DCDC1: variants seen among roughly 807,000 people sequenced by gnomAD.
The protein encoded by DCDC1 is doublecortin domain containing 1, also known as doublecortin domain-containing protein 1.
DCDC1 carries 200 observed loss-of-function variants against 178.3 expected under a neutral mutation model. The observed-to-expected ratio is 1.12, with a 90% CI of 1.00 to 1.26. The LOEUF is 1.26. DCDC1 is among the 50% of genes most tolerant of loss of function. DCDC1 has a pLI of 0.00. For missense variants in DCDC1, 1,983 were observed against 1,749.2 expected, an observed-to-expected ratio of 1.13 and a Z score of -2.38; for synonymous variants, 690 against 604.8, an observed-to-expected ratio of 1.14 and a Z score of -2.07.
At chr11:31,071,828 A>G (rs1956584297) in intron 18 of DCDC1, among the ~76,000 whole-genome samples, 1 of 152,186 alleles carries the variant, frequency 6.6e-6, no homozygotes, top group Non-Finnish European at 1.5e-5. Context: ...TGGCAAAGGA[A>G]CTAATGCCTC....
In DCDC1 at chr11:31,154,847, G is replaced by A. The variant is rs533890028; in HGVS notation, c.1222-17063C>T. ...TTACTGGCTCCGTCCTCTCTGGAGC[G>A]CGAGTGTCCATTCCTGCTGTGAAAG... On this transcript the variant is annotated intron_variant, in intron 9 of 38. Transcript: ENST00000684477. Among the ~76,000 whole-genome samples the A allele has an allele frequency of 1.8e-4, 27 of 152,258 alleles. No individual in the cohort carries two copies. The South Asian group carries it at 3.1e-3, about 18-fold the overall frequency.
At chr11:30,900,906 C>CT (rs904033606) in intron 32 of DCDC1, among the ~76,000 whole-genome samples, 24 of 151,892 alleles carry the variant, frequency 1.6e-4, no homozygotes, top group Non-Finnish European at 5.9e-5. Context: ...TCTGCTGTTT[C>CT]TTTTTTTAAA....
intron 3 of DCDC1, among the ~76,000 whole-genome samples, chr11:31,308,814 T>C (rs1246977845): frequency 1.3e-5 from 2 of 152,174 alleles, no homozygotes; most frequent in East Asian, 1.9e-4. Context: ...TGATCACACA[T>C]AGAGGATAGT....
At chr11:31,329,454 T>C (rs1316444815) in intron 2 of DCDC1, among the ~76,000 whole-genome samples, 2 of 152,150 alleles carry the variant, frequency 1.3e-5, no homozygotes, top group Admixed American at 1.3e-4. Context: ...ACGTGCAGGA[T>C]TGTTACATAT....
chr11:31,121,615 T>A (rs1380524313), intron 11 of DCDC1, among the ~76,000 whole-genome samples: 1 of 151,562 alleles, frequency 6.6e-6, no homozygotes, highest in Non-Finnish European at 1.5e-5. Flanking sequence ...GTGAAGAGGT[T>A]AAGAACACCA....
chr11:30,883,904 G>T (rs949633181), intron 36 of DCDC1, among the ~76,000 whole-genome samples: 1 of 151,716 alleles, frequency 6.6e-6, no homozygotes, highest in Non-Finnish European at 1.5e-5. Context: ...AACATGATAC[G>T]CCTGCTACAA....
intron 7 of DCDC1, among the ~76,000 whole-genome samples, chr11:31,286,350 GAAGT>G (rs1333433412): frequency 6.6e-6 from 1 of 151,892 alleles, no homozygotes; most frequent in Non-Finnish European, 1.5e-5. Context: ...TGTTCTCTTT[GAAGT>G]AAGTTAACAT....
chr11:31,167,727 A>T (rs208092), intron 9 of DCDC1, among the ~76,000 whole-genome samples: 85,313 of 151,906 alleles, frequency 0.56, 24,945 homozygotes, highest in East Asian at 0.93. Context: ...AACATCATAG[A>T]AGACACTATA....
Position 31,105,273 on chromosome 11 carries a change from T to G in DCDC1, c.1752-1504A>C, listed in dbSNP as rs16921798. 5.9e-3 allele frequency among the ~76,000 whole-genome samples: 893 copies of G among 152,068 alleles called. 10 individuals are homozygous for G. The highest frequency in any genetic ancestry group is 0.02 in the African/African-American group (833 of 41,536). On this transcript the variant is annotated intron_variant, in intron 13 of 38. Coordinates refer to ENST00000684477, the MANE Select transcript of DCDC1 (RefSeq NM_001387274.1). ...ACTGGTAAATTTCTCCGACTACAAT[T>G]CTCAGCTGATTTTTAGAATATCTCA...
At chr11:31,273,117 C>G (rs1215512818) in intron 7 of DCDC1, among the ~76,000 whole-genome samples, 1 of 152,176 alleles carries the variant, frequency 6.6e-6, no homozygotes, top group East Asian at 1.9e-4. Flanking sequence ...TGATGGGGGG[C>G]ATTGCTGTGA....
chr11:31,244,540 G>A (rs369884207), intron 8 of DCDC1, among the ~76,000 whole-genome samples: 28 of 151,770 alleles, frequency 1.8e-4, no homozygotes, highest in South Asian at 1.7e-3. Flanking sequence ...ATTTGTGTGC[G>A]TAACTACACA....
chr11:31,150,790 C>CA (rs1300425215), intron 9 of DCDC1, among the ~76,000 whole-genome samples: 2 of 151,656 alleles, frequency 1.3e-5, no homozygotes, highest in Non-Finnish European at 2.9e-5. Context: ...AAATATAATT[C>CA]AAAAAAACCC....
At chr11:31,161,658 T>C (rs868320320) in intron 9 of DCDC1, among the ~76,000 whole-genome samples, 1 of 152,190 alleles carries the variant, frequency 6.6e-6, no homozygotes, top group Non-Finnish European at 1.5e-5. Flanking sequence ...GCAGCTGTGA[T>C]GTTGCCAAAT....
At chr11:31,055,169 T>A (rs1216367255) in intron 20 of DCDC1, among the ~76,000 whole-genome samples, 8 of 151,946 alleles carry the variant, frequency 5.3e-5, no homozygotes. Context: ...CACCAATAAG[T>A]GGGCTAAGGA....
At chr11:31,230,965 T>C (rs1332615763) in intron 9 of DCDC1, among the ~76,000 whole-genome samples, 2 of 152,012 alleles carry the variant, frequency 1.3e-5, no homozygotes, top group Non-Finnish European at 1.5e-5. Flanking sequence ...AATTTTTTTG[T>C]TTTTGTTTTT....
chr11:31,338,118 C>T (rs1452007792), intron 1 of DCDC1, among the ~76,000 whole-genome samples: 1 of 152,136 alleles, frequency 6.6e-6, no homozygotes, highest in Non-Finnish European at 1.5e-5. Flanking sequence ...ATTAGGAGTA[C>T]TCTGATGAAC....
chr11:31,244,265 C>G (rs1007061646), intron 8 of DCDC1, among the ~76,000 whole-genome samples: 2 of 151,640 alleles, frequency 1.3e-5, no homozygotes, highest in Non-Finnish European at 3.0e-5. Context: ...ACTTTTTAAC[C>G]TCAACCCATA....
At chr11:31,088,389 T>G (rs1273363301) in intron 17 of DCDC1, among the ~76,000 whole-genome samples, 1 of 152,108 alleles carries the variant, frequency 6.6e-6, no homozygotes, top group African/African-American at 2.4e-5. Flanking sequence ...CCCCTTTTCC[T>G]CTTTGTCTTG....
intron 3 of DCDC1, among the ~76,000 whole-genome samples, chr11:31,327,019 C>A (rs1283070702): frequency 1.3e-5 from 2 of 152,080 alleles, no homozygotes; most frequent in African/African-American, 4.8e-5. Context: ...TAGTGTTAGA[C>A]CCATTTGAGT....
Sources: allele counts gnomAD v4.1 joint callset (sites outside exome capture counted in the v4.1 genomes callset), GRCh38; gene constraint gnomAD v4.1.1; transcripts MANE v1.5; gene names NCBI Gene and HGNC (gene_info 2026-07-23, HGNC 2026-07-21).